NUDCD1: variants seen among roughly 807,000 people sequenced by gnomAD.
NUDCD1 encodes the protein nudC domain-containing protein 1.
Under a neutral mutation model 67.8 loss-of-function variants are expected in NUDCD1, and 60 were observed. The ratio of observed to expected loss-of-function variants is 0.88; its 90% CI spans 0.72 to 1.10. The LOEUF is 1.10. Ranked by LOEUF, NUDCD1 falls within the 50% of genes least tolerant of loss-of-function variation. NUDCD1 has a pLI of 0.00. For synonymous variants in NUDCD1, 244 were observed against 230.8 expected (o/e 1.06, Z -0.52); for missense variants, 643 against 695.0 (o/e 0.93, Z 0.84).
chr8:109,332,150 G>C (rs1414024447), intron 1 of NUDCD1, among the ~76,000 whole-genome samples: 2 of 152,184 alleles, frequency 1.3e-5, no homozygotes, highest in African/African-American at 4.8e-5. Flanking sequence ...TCATAGTCTA[G>C]TGGAGGAAAC....
intron 5 of NUDCD1, among the ~76,000 whole-genome samples, chr8:109,289,389 C>T (rs1206364484): frequency 6.6e-6 from 1 of 152,104 alleles, no homozygotes; most frequent in Non-Finnish European, 1.5e-5. Flanking sequence ...AGAACAGGTA[C>T]ATTAGCTTAA....
chr8:109,250,059 G>A (rs1297903119), intron 8 of NUDCD1, among the ~76,000 whole-genome samples: 1 of 151,814 alleles, frequency 6.6e-6, no homozygotes, highest in African/African-American at 2.4e-5. Flanking sequence ...TGTTGCCCAG[G>A]CTGGTCTTGA....
At chr8:109,295,833 A>G (rs1814830223) in intron 3 of NUDCD1, among the ~76,000 whole-genome samples, 1 of 152,138 alleles carries the variant, frequency 6.6e-6, no homozygotes, top group Non-Finnish European at 1.5e-5. Flanking sequence ...TTCTAGAGAA[A>G]TTAATTCCTT....
chr8:109,313,561 G>A (rs998696318), intron 2 of NUDCD1, among the ~76,000 whole-genome samples: 1 of 152,122 alleles, frequency 6.6e-6, no homozygotes. Context: ...TTTTAAGACT[G>A]AGCAACTTGT....
rs1280386527 is a variant in NUDCD1 at position 109,307,064 on chromosome 8, CAT to C, written c.274-10497_274-10496del. ...GGGCTCTGAGCCCAAGTTAAGCCATCATATCCCCTGTGACCTGCATGTATACA... is the reference window on the plus strand; with the variant it reads ...GGGCTCTGAGCCCAAGTTAAGCCATCATCCCCTGTGACCTGCATGTATACA... On this transcript the variant is annotated intron_variant, in intron 2 of 9. Coordinates refer to ENST00000239690, the MANE Select transcript of NUDCD1 (RefSeq NM_032869.4). Among the ~76,000 whole-genome samples, 5 of 152,268 alleles carry C rather than the reference CAT, an allele frequency of 3.3e-5. No homozygotes were observed. In the East Asian group the frequency reaches 9.6e-4, roughly 29 times the overall value.
At chr8:109,260,531 A>G (rs1813842399) in intron 8 of NUDCD1, among the ~76,000 whole-genome samples, 1 of 152,222 alleles carries the variant, frequency 6.6e-6, no homozygotes, top group Non-Finnish European at 1.5e-5. Context: ...AAAAATAGAT[A>G]ATAGGTACAA....
intron 4 of NUDCD1, 116 bp from the exon 5 acceptor site, chr8:109,290,049 G>A (rs1472633413): frequency 1.4e-5 from 7 of 517,366 alleles, no homozygotes; most frequent in Non-Finnish European, 1.6e-5. Flanking sequence ...ATTATTAAAA[G>A]GTACACTATT....
chr8:109,293,602 T>G, intron 3 of NUDCD1, 78 bp from the exon 4 acceptor site: 19 of 623,946 alleles, frequency 3.0e-5, no homozygotes, highest in Non-Finnish European at 4.7e-5. Flanking sequence ...ATATATAGGA[T>G]TCTGGTGATT....
chr8:109,289,791 A>G lies in NUDCD1; in HGVS notation c.783T>C (p.Leu261=). 6.4e-7 allele frequency: 1 copy of G among 1,558,184 alleles called. No individual in the cohort carries two copies. Among genetic ancestry groups the G allele is most frequent in the South Asian group, 1.1e-5 (1 of 87,052 alleles). The change falls in exon 5 of 10, where the codon CTT becomes CTC. Residue 261 remains leucine (L), a synonymous_variant. Transcript: ENST00000239690. ...SLTFVQAGQD[L]EENMDEDISE... is the part of the protein sequence containing the mutation. Reference sequence around the variant, plus strand: ...ATATGTCTTCATCCATATTTTCTTCAAGATCTTGACCAGCCTGAACAAATG... The same window carrying G: ...ATATGTCTTCATCCATATTTTCTTCGAGATCTTGACCAGCCTGAACAAATG...
chr8:109,323,802 T>C (rs949466378), intron 1 of NUDCD1, among the ~76,000 whole-genome samples: 11 of 152,172 alleles, frequency 7.2e-5, no homozygotes, highest in African/African-American at 2.2e-4. Flanking sequence ...CAACTGATTT[T>C]TGACAAAGGT....
chr8:109,314,343 T>A (rs573719001), intron 2 of NUDCD1, among the ~76,000 whole-genome samples: 1 of 152,276 alleles, frequency 6.6e-6, no homozygotes, highest in South Asian at 2.1e-4. Context: ...TATAAGAATT[T>A]TATTAAATAA....
chr8:109,243,186 G>A lies in NUDCD1; in HGVS notation c.1575C>T (p.Pro525=), dbSNP rs761074885. The change falls in exon 10 of 10, where the codon CCC becomes CCT. Residue 525 remains proline, a synonymous_variant. Coordinates refer to ENST00000239690, the MANE Select transcript of NUDCD1 (RefSeq NM_032869.4). ...TTCTGTTGTAAAGTACAGTGGACAT[G>A]GGAGCAGGCTGACGATAGATGAATA... ...RRVFIYRQPA[P]MSTVLYNRKE... is the part of the protein sequence containing the mutation. 2.5e-6 allele frequency: 4 copies of A among 1,613,796 alleles called. No homozygotes were observed. The highest frequency in any genetic ancestry group is 2.2e-5 in the South Asian group (2 of 91,058).
In NUDCD1 at chr8:109,274,267, T is replaced by C. The variant is rs139280133; in HGVS notation, c.1173+1085A>G. Among the ~76,000 whole-genome samples, 597 of 152,280 alleles carry C rather than the reference T, an allele frequency of 3.9e-3. 4 individuals are homozygous for C. Among genetic ancestry groups the C allele is most frequent in the African/African-American group, 0.014 (566 of 41,568 alleles). ...CTTCAGCTGCAGATGAGATTGTATA[T>C]TTGTCTTCTCATAATCTAACAAACA... is the stretch of plus-strand genomic sequence containing the variant. On this transcript the variant is annotated intron_variant, in intron 7 of 9. Coordinates refer to ENST00000239690, the MANE Select transcript of NUDCD1 (RefSeq NM_032869.4).
At chr8:109,275,806 T>G in intron 6 of NUDCD1, among the ~76,000 whole-genome samples, 1 of 152,144 alleles carries the variant, frequency 6.6e-6, no homozygotes, top group East Asian at 1.9e-4. Context: ...GTTCCTGAAC[T>G]TAATAGAAAT....
rs746340700 is a variant in NUDCD1 at position 109,245,343 on chromosome 8, T to C, written c.1438A>G (p.Ile480Val). ...ATACCTAAAGCATTGAAAGTTGCGA[T>C]GTGCTCCCACATATCATCTTGTTTG... ...SSKQDDMWEH[I>V]ATFNALGYVQ... is the part of the protein sequence containing the mutation. The change falls in exon 9 of 10, where the codon ATC becomes GTC. Residue 480 changes from isoleucine to valine, a missense_variant. By Grantham distance (29) the Ile-to-Val change is conservative (BLOSUM62 3). Coordinates refer to ENST00000239690, the MANE Select transcript of NUDCD1 (RefSeq NM_032869.4). The C allele has an allele frequency of 6.8e-6, 11 of 1,613,372 alleles. No individual in the cohort carries two copies. The highest frequency in any genetic ancestry group is 4.0e-5 in the African/African-American group (3 of 74,902).
chr8:109,302,815 A>T (rs985488458), intron 2 of NUDCD1, among the ~76,000 whole-genome samples: 8 of 152,192 alleles, frequency 5.3e-5, no homozygotes, highest in African/African-American at 1.9e-4. Flanking sequence ...GAGGGGCCAG[A>T]AGGCTGTCTT....
intron 8 of NUDCD1, among the ~76,000 whole-genome samples, chr8:109,268,739 T>C (rs1814070125): frequency 2.0e-5 from 3 of 152,140 alleles, no homozygotes; most frequent in Admixed American, 2.0e-4. Flanking sequence ...TTAGAACAAA[T>C]AATCTCCAGT....
chr8:109,246,792 A>G (rs190294784), intron 8 of NUDCD1, among the ~76,000 whole-genome samples: 15 of 152,294 alleles, frequency 9.8e-5, no homozygotes, highest in African/African-American at 2.4e-4. Flanking sequence ...TGATTCTAGG[A>G]GTTTGCAAGC....
At chr8:109,280,362 G>A (rs1814403889) in intron 6 of NUDCD1, among the ~76,000 whole-genome samples, 1 of 152,116 alleles carries the variant, frequency 6.6e-6, no homozygotes, top group Non-Finnish European at 1.5e-5. Context: ...TGCCTAGGCT[G>A]GTCACAAACT....
Sources: gnomAD v4.1 joint callset for allele counts (sites outside exome capture counted in the v4.1 genomes callset) on GRCh38, gnomAD v4.1.1 for gene constraint, MANE v1.5 for transcripts, NCBI Gene and HGNC (gene_info 2026-07-23, HGNC 2026-07-21) for gene names.